Variants in NOL4L observed in about 807,000 individuals in gnomAD.
The protein encoded by NOL4L is nucleolar protein 4 like, also known as nucleolar protein 4-like.
Under a neutral mutation model 64.5 loss-of-function variants are expected in NOL4L, and 7 were observed. That is an observed-to-expected ratio of 0.11 (90% CI 0.06 to 0.20). The LOEUF (loss-of-function observed/expected upper bound fraction) is 0.20. Ranked by LOEUF, NOL4L falls within the 10% of genes least tolerant of loss-of-function variation. The pLI is 1.00. For missense variants in NOL4L, 680 were observed against 967.1 expected (o/e 0.70, Z 3.94); for synonymous variants, 413 against 401.0 (o/e 1.03, Z -0.36).
intron 1 of NOL4L, among the ~76,000 whole-genome samples, chr20:32,550,127 GA>G (rs1014960976): frequency 2.0e-5 from 3 of 152,240 alleles, no homozygotes; most frequent in Non-Finnish European, 4.4e-5. Context: ...CAGGTTCTGA[GA>G]AATGCATCAT....
In NOL4L at chr20:32,562,253, C is replaced by G. The variant is rs565300257; in HGVS notation, c.321+22317G>C. 9.9e-5 allele frequency among the ~76,000 whole-genome samples: 15 copies of G among 152,280 alleles called. No individual in the cohort carries two copies. The South Asian group carries it at 2.7e-3, about 27-fold the overall frequency. ...AGATGTCAGATTGACTTCCACCCCC[C>G]ACCCGCCCATCAGGCTTCCGGCTTC... On this transcript the variant is annotated intron_variant, in intron 1 of 10. Transcript: ENST00000621426.
intron 4 of NOL4L, among the ~76,000 whole-genome samples, chr20:32,496,115 C>A (rs2016679204): frequency 6.6e-6 from 1 of 152,162 alleles, no homozygotes; most frequent in Non-Finnish European, 1.5e-5. Context: ...CTGGCAGGCC[C>A]TGGGAGAGCT....
In NOL4L at chr20:32,447,685, G is replaced by A. The variant is rs779165706; in HGVS notation, c.1954C>T (p.Arg652Trp). ...TCCCGGTAGCCCGCGATGAGCTGCC[G>A]CACGGCGCTGATCTCCGTGGGGCTG... ...QLSPTEISAV[R>W]QLIAGYRESA... Residue 652 changes from arginine (R) to tryptophan (W), a missense_variant, in exon 11 of 11, where the codon CGG (arginine) becomes TGG (tryptophan). Physicochemically the swap from Arg to Trp is moderately radical, Grantham distance 101 (BLOSUM62 -3). Coordinates refer to ENST00000621426, the MANE Select transcript of NOL4L (RefSeq NM_001256798.2). 1 of 1,612,486 alleles carries A rather than the reference G, an allele frequency of 6.2e-7. No individual in the cohort carries two copies.
chr20:32,509,671 C>T (rs2017304781), intron 4 of NOL4L: 1 of 1,029,952 alleles, frequency 9.7e-7, no homozygotes, highest in Admixed American at 3.1e-5. Flanking sequence ...AGTCTTAACT[C>T]CCCTCCTTCC....
intron 1 of NOL4L, chr20:32,537,111 G>T: frequency 1.0e-6 from 1 of 985,250 alleles, no homozygotes. Flanking sequence ...GGTACCATTC[G>T]ATCTTGCCAG....
At chr20:32,521,713 T>G (rs2017943538) in intron 2 of NOL4L, among the ~76,000 whole-genome samples, 1 of 152,072 alleles carries the variant, frequency 6.6e-6, no homozygotes, top group Middle Eastern at 3.2e-3. Flanking sequence ...GCTGTGGGCC[T>G]AGGTGTCCAG....
intron 1 of NOL4L, among the ~76,000 whole-genome samples, chr20:32,563,844 G>A (rs559946681): frequency 2.2e-4 from 34 of 152,316 alleles, no homozygotes; most frequent in South Asian, 6.2e-4. Flanking sequence ...CCCGGCCAAG[G>A]TGGCAGCAGC....
intron 1 of NOL4L, chr20:32,572,389 C>T (rs1014044230): frequency 4.6e-5 from 7 of 152,248 alleles, no homozygotes; most frequent in Non-Finnish European, 1.0e-4. Flanking sequence ...CCACAGCAGA[C>T]ACGGACTGAG....
At chr20:32,470,015 C>T (rs1048798570) in intron 5 of NOL4L, among the ~76,000 whole-genome samples, 2 of 152,242 alleles carry the variant, frequency 1.3e-5, no homozygotes, top group Admixed American at 6.5e-5. Context: ...ATCTGAGAGG[C>T]GCACACACCA....
chr20:32,486,589 A>G (rs1722346903), intron 4 of NOL4L: 1 of 386,186 alleles, frequency 2.6e-6, no homozygotes, highest in African/African-American at 2.1e-5. Context: ...ATTAGGACAA[A>G]TAGGATCTTA....
At chr20:32,556,418 C>T (rs944007522) in intron 1 of NOL4L, among the ~76,000 whole-genome samples, 3 of 152,216 alleles carry the variant, frequency 2.0e-5, no homozygotes, top group African/African-American at 7.2e-5. Context: ...TGCTACTTGT[C>T]TCTGTCCCTC....
chr20:32,483,458 T>C, intron 4 of NOL4L: 1 of 991,138 alleles, frequency 1.0e-6, no homozygotes, highest in Non-Finnish European at 1.2e-6. Flanking sequence ...CTGCTGCTGC[T>C]GCTGCCGCCG....
chr20:32,491,306 G>T (rs2016459800), intron 4 of NOL4L, among the ~76,000 whole-genome samples: 1 of 152,198 alleles, frequency 6.6e-6, no homozygotes, highest in Non-Finnish European at 1.5e-5. Flanking sequence ...GGGCTCCACT[G>T]AGGAGGTGAC....
chr20:32,452,473 G>C, intron 9 of NOL4L, 36 bp from the exon 10 acceptor site: 1 of 1,517,062 alleles, frequency 6.6e-7, no homozygotes, highest in Non-Finnish European at 8.9e-7. Flanking sequence ...GGGAAACCAA[G>C]GGGCAGCTGG....
chr20:32,560,471 G>C (rs973682746), intron 1 of NOL4L, among the ~76,000 whole-genome samples: 2 of 152,242 alleles, frequency 1.3e-5, no homozygotes, highest in Non-Finnish European at 2.9e-5. Context: ...CAGATGGCAT[G>C]CTACCCGCTG....
intron 2 of NOL4L, among the ~76,000 whole-genome samples, chr20:32,521,962 G>A (rs761101210): frequency 9.2e-5 from 14 of 152,280 alleles, no homozygotes; most frequent in Non-Finnish European, 1.9e-4. Flanking sequence ...GGCCAAGGGT[G>A]AGGGGCTGCT....
At chr20:32,451,376 G>A (rs113246592) in intron 10 of NOL4L, among the ~76,000 whole-genome samples, 5 of 152,100 alleles carry the variant, frequency 3.3e-5, no homozygotes, top group Admixed American at 1.3e-4. Flanking sequence ...AACACAACCC[G>A]AGTGCCTGGC....
intron 1 of NOL4L, among the ~76,000 whole-genome samples, chr20:32,538,699 C>T (rs528984667): frequency 3.9e-5 from 6 of 152,318 alleles, no homozygotes; most frequent in Non-Finnish European, 7.4e-5. Flanking sequence ...TTCCTGCCTC[C>T]GCTCTCCCCA....
intron 1 of NOL4L, among the ~76,000 whole-genome samples, chr20:32,543,722 G>A (rs1177683365): frequency 1.3e-5 from 2 of 152,052 alleles, no homozygotes; most frequent in Non-Finnish European, 2.9e-5. Flanking sequence ...CCCAGGAGGT[G>A]GAGGTTGCAG....
Sources: gnomAD v4.1 joint callset for allele counts (sites outside exome capture counted in the v4.1 genomes callset) on GRCh38, gnomAD v4.1.1 for gene constraint, MANE v1.5 for transcripts, NCBI Gene and HGNC (gene_info 2026-07-23, HGNC 2026-07-21) for gene names.